Variants in SGCZ observed in about 807,000 individuals in gnomAD.
SGCZ encodes sarcoglycan zeta.
In SGCZ, 40 loss-of-function variants were observed where a neutral mutation model predicts 41.3. The observed-to-expected ratio is 0.97, with a 90% CI of 0.75 to 1.26. The LOEUF (loss-of-function observed/expected upper bound fraction) is 1.26. Among genes scored for constraint, SGCZ ranks in the 50% most tolerant of loss-of-function variants. The pLI, the probability that SGCZ is intolerant of heterozygous loss-of-function variation, is 0.00. For synonymous variants in SGCZ, 206 were observed against 137.5 expected (o/e 1.50, Z -3.49); for missense variants, 552 against 369.8 (o/e 1.49, Z -4.04).
At chr8:14,696,301 C>T (rs1563208470) in intron 1 of SGCZ, among the ~76,000 whole-genome samples, 1 of 152,012 alleles carries the variant, frequency 6.6e-6, no homozygotes, top group Non-Finnish European at 1.5e-5. Flanking sequence ...CACATTGAAG[C>T]GGTATCAGGA....
At chr8:14,788,536 T>A (rs1217561618) in intron 1 of SGCZ, among the ~76,000 whole-genome samples, 1 of 152,208 alleles carries the variant, frequency 6.6e-6, no homozygotes, top group Non-Finnish European at 1.5e-5. Context: ...TTTTAACTTC[T>A]AAGATTCTTC....
intron 1 of SGCZ, among the ~76,000 whole-genome samples, chr8:14,948,662 C>T (rs776314686): frequency 1.3e-5 from 2 of 152,130 alleles, no homozygotes; most frequent in Non-Finnish European, 2.9e-5. Flanking sequence ...CTAACTACCT[C>T]CTATTTTGCA....
At chr8:14,907,234 A>T (rs1311123929) in intron 1 of SGCZ, among the ~76,000 whole-genome samples, 1 of 152,078 alleles carries the variant, frequency 6.6e-6, no homozygotes, top group Non-Finnish European at 1.5e-5. Flanking sequence ...TTGCTCTGTC[A>T]CTCAGGATGA....
At chr8:14,355,132 A>C (rs1350647325) in intron 2 of SGCZ, among the ~76,000 whole-genome samples, 1 of 152,124 alleles carries the variant, frequency 6.6e-6, no homozygotes, top group African/African-American at 2.4e-5. Context: ...CAATCTCTTC[A>C]ATCTTTATTA....
Position 14,158,462 on chromosome 8 carries a change from G to A in SGCZ, c.547+6118C>T, listed in dbSNP as rs138623450. Among the ~76,000 whole-genome samples the A allele has an allele frequency of 9.8e-3, 1,494 of 152,108 alleles. 13 individuals carry two copies. Among genetic ancestry groups the A allele is most frequent in the Non-Finnish European group, 0.014 (954 of 67,982 alleles). The stretch of plus-strand genomic sequence containing the variant: ...TGGTGCCCACCTAGATTGAGGGTTA[G>A]TCTGCCTCTCCCAGTCCACCGACTC... On this transcript the variant is annotated intron_variant, in intron 5 of 7. Coordinates refer to ENST00000382080, the MANE Select transcript of SGCZ (RefSeq NM_139167.4).
chr8:15,212,071 C>A (rs907316593), intron 1 of SGCZ, among the ~76,000 whole-genome samples: 2 of 151,378 alleles, frequency 1.3e-5, no homozygotes, highest in Non-Finnish European at 2.9e-5. Context: ...AGAAAAGATG[C>A]AAAAATCTTT....
At chr8:14,609,091 C>T (rs923253408) in intron 1 of SGCZ, among the ~76,000 whole-genome samples, 4 of 152,048 alleles carry the variant, frequency 2.6e-5, no homozygotes, top group African/African-American at 9.7e-5. Flanking sequence ...TATTTTTAAA[C>T]CTTTTAGTTA....
intron 2 of SGCZ, among the ~76,000 whole-genome samples, chr8:14,534,308 G>A (rs1462331293): frequency 1.3e-5 from 2 of 151,632 alleles, no homozygotes; most frequent in Non-Finnish European, 2.9e-5. Context: ...AAAATGGTGG[G>A]GAGATAAGCT....
intron 1 of SGCZ, among the ~76,000 whole-genome samples, chr8:14,584,620 TTAAAA>T (rs1426502552): frequency 2.6e-4 from 40 of 152,234 alleles, no homozygotes; most frequent in Admixed American, 2.6e-4. Context: ...ATGTCAAAAG[TTAAAA>T]TAAAAGAGTT....
At chr8:14,822,453 C>A (rs73201266) in intron 1 of SGCZ, among the ~76,000 whole-genome samples, 6,137 of 152,210 alleles carry the variant, frequency 0.04, 187 homozygotes, top group South Asian at 0.084. Flanking sequence ...TATCAAAATA[C>A]AACTGACATT....
chr8:14,268,675 G>A (rs1799958513), intron 3 of SGCZ, among the ~76,000 whole-genome samples: 1 of 151,468 alleles, frequency 6.6e-6, no homozygotes, highest in Non-Finnish European at 1.5e-5. Context: ...TCTACTTGGT[G>A]GCATATATAT....
intron 3 of SGCZ, among the ~76,000 whole-genome samples, chr8:14,279,665 G>A (rs1281860567): frequency 6.6e-6 from 1 of 152,002 alleles, no homozygotes; most frequent in Non-Finnish European, 1.5e-5. Flanking sequence ...TGACTGCACA[G>A]CTTCGGGCAG....
intron 1 of SGCZ, among the ~76,000 whole-genome samples, chr8:14,877,144 T>G (rs1415085893): frequency 2.6e-5 from 4 of 152,030 alleles, no homozygotes; most frequent in African/African-American, 9.7e-5. Flanking sequence ...CAGCTAACTT[T>G]TGATATTTTA....
chr8:14,842,628 G>T (rs1013071575), intron 1 of SGCZ, among the ~76,000 whole-genome samples: 9 of 152,118 alleles, frequency 5.9e-5, no homozygotes, highest in Non-Finnish European at 1.2e-4. Flanking sequence ...ACAAAACACA[G>T]TGCTTATAAG....
intron 1 of SGCZ, among the ~76,000 whole-genome samples, chr8:14,989,264 G>A (rs1213442312): frequency 6.6e-6 from 1 of 152,104 alleles, no homozygotes; most frequent in East Asian, 1.9e-4. Flanking sequence ...AATTACATAG[G>A]AGGATGATTG....
intron 1 of SGCZ, among the ~76,000 whole-genome samples, chr8:14,877,960 G>A (rs931123415): frequency 6.6e-6 from 1 of 151,846 alleles, no homozygotes; most frequent in Non-Finnish European, 1.5e-5. Context: ...GTTGAGAAGT[G>A]GGCTGTACTG....
chr8:14,209,164 A>T (rs997544183), intron 4 of SGCZ, among the ~76,000 whole-genome samples: 5 of 152,340 alleles, frequency 3.3e-5, no homozygotes, highest in Admixed American at 2.6e-4. Flanking sequence ...CGGGGTGGAC[A>T]GCCTTCCCAG....
chr8:14,751,786 G>A (rs554703176), intron 1 of SGCZ, among the ~76,000 whole-genome samples: 1 of 146,462 alleles, frequency 6.8e-6, no homozygotes, highest in East Asian at 2.1e-4. Context: ...CTGACCTCGT[G>A]ATCTGCCCAC....
At chr8:15,059,004 T>A (rs1209566904) in intron 1 of SGCZ, among the ~76,000 whole-genome samples, 2 of 152,160 alleles carry the variant, frequency 1.3e-5, no homozygotes, top group African/African-American at 2.4e-5. Flanking sequence ...TCTCTCTGGG[T>A]CACATTTTTT....
Sources: allele counts gnomAD v4.1 joint callset (sites outside exome capture counted in the v4.1 genomes callset), GRCh38; gene constraint gnomAD v4.1.1; transcripts MANE v1.5; gene names NCBI Gene and HGNC (gene_info 2026-07-23, HGNC 2026-07-21).